Variants in CADM2 observed in about 807,000 individuals in gnomAD.
CADM2 encodes cell adhesion molecule 2.
A neutral mutation model predicts 49.8 loss-of-function variants in CADM2; 12 were observed. That is an observed-to-expected ratio of 0.24 (90% confidence interval 0.15 to 0.39). The LOEUF (loss-of-function observed/expected upper bound fraction) is 0.39. Among genes scored for constraint, CADM2 ranks in the 10% least tolerant of loss-of-function variants. CADM2 has a pLI of 1.00. For synonymous variants in CADM2, 214 were observed against 175.4 expected (o/e 1.22, Z -1.74); for missense variants, 378 against 492.3 (o/e 0.77, Z 2.20).
intron 1 of CADM2, among the ~76,000 whole-genome samples, chr3:85,327,211 A>G (rs2044777752): frequency 6.6e-6 from 1 of 152,058 alleles, no homozygotes; most frequent in Non-Finnish European, 1.5e-5. Flanking sequence ...CTCTCTCTTT[A>G]TCTATATAAA....
At chr3:85,304,326 C>G (rs1370721904) in intron 1 of CADM2, among the ~76,000 whole-genome samples, 3 of 151,834 alleles carry the variant, frequency 2.0e-5, no homozygotes, top group Non-Finnish European at 4.4e-5. Flanking sequence ...AACGGTATAT[C>G]ATAACTACAC....
At chr3:85,042,597 C>T (rs547148431) in intron 1 of CADM2, among the ~76,000 whole-genome samples, 2 of 152,146 alleles carry the variant, frequency 1.3e-5, no homozygotes, top group South Asian at 2.1e-4. Context: ...TGCAAAATTT[C>T]AAAGGAACAA....
chr3:85,930,310 A>G (rs1301535810), intron 6 of CADM2, among the ~76,000 whole-genome samples: 2 of 152,070 alleles, frequency 1.3e-5, no homozygotes, highest in Non-Finnish European at 2.9e-5. Context: ...TTCTTTTTTT[A>G]AAACTTTCTA....
intron 1 of CADM2, among the ~76,000 whole-genome samples, chr3:84,980,744 C>A (rs1054947268): frequency 6.6e-6 from 1 of 151,972 alleles, no homozygotes; most frequent in Non-Finnish European, 1.5e-5. Context: ...AGGTGTTTCA[C>A]CTTAGAAATG....
chr3:85,217,537 A>G (rs903420444), intron 1 of CADM2, among the ~76,000 whole-genome samples: 7 of 152,080 alleles, frequency 4.6e-5, no homozygotes, highest in African/African-American at 1.7e-4. Context: ...ATTCACCTAC[A>G]TTTATGTATT....
chr3:85,133,184 A>C (rs2039289538), intron 1 of CADM2, among the ~76,000 whole-genome samples: 1 of 152,202 alleles, frequency 6.6e-6, no homozygotes, highest in Admixed American at 6.5e-5. Flanking sequence ...AGTGAGCAGC[A>C]GCAAGATTTA....
At chr3:85,122,510 T>C (rs12487784) in intron 1 of CADM2, among the ~76,000 whole-genome samples, 4,577 of 152,214 alleles carry the variant, frequency 0.03, 99 homozygotes, top group South Asian at 0.044. Flanking sequence ...CTCTCTCAAA[T>C]CCATTACTCT....
chr3:85,246,609 GT>G (rs1458773222), intron 1 of CADM2, among the ~76,000 whole-genome samples: 1 of 152,020 alleles, frequency 6.6e-6, no homozygotes, highest in Non-Finnish European at 1.5e-5. Context: ...ATATAAATTT[GT>G]CTCATTCTAG....
intron 3 of CADM2, among the ~76,000 whole-genome samples, chr3:85,813,468 T>C (rs1040626667): frequency 6.6e-6 from 1 of 152,196 alleles, no homozygotes; most frequent in Non-Finnish European, 1.5e-5. Flanking sequence ...GAAGGACAGA[T>C]TGCAAAAATT....
chr3:85,288,109 T>TA (rs141203215), intron 1 of CADM2, among the ~76,000 whole-genome samples: 10,205 of 151,440 alleles, frequency 0.067, 1,126 homozygotes, highest in African/African-American at 0.23. Flanking sequence ...ATAATAAAAT[T>TA]AAAAAAAAAT....
chr3:85,767,518 G>C (rs1272990262), intron 2 of CADM2, among the ~76,000 whole-genome samples: 1 of 152,096 alleles, frequency 6.6e-6, no homozygotes, highest in Non-Finnish European at 1.5e-5. Context: ...AATACATGAA[G>C]TTTTCTTCTC....
intron 1 of CADM2, among the ~76,000 whole-genome samples, chr3:85,563,536 C>T (rs1233681950): frequency 6.6e-6 from 1 of 151,802 alleles, no homozygotes; most frequent in East Asian, 1.9e-4. Flanking sequence ...TGTGTGTAGG[C>T]CAGCATGACT....
intron 1 of CADM2, among the ~76,000 whole-genome samples, chr3:85,447,312 A>C (rs1439630690): frequency 6.6e-6 from 1 of 152,036 alleles, no homozygotes; most frequent in South Asian, 2.1e-4. Context: ...TGTCATTTAC[A>C]TTTTAGGTAT....
chr3:85,979,842 T>C (rs761102178), intron 8 of CADM2, among the ~76,000 whole-genome samples: 2 of 151,644 alleles, frequency 1.3e-5, no homozygotes, highest in Admixed American at 6.6e-5. Flanking sequence ...ATTCTACTAA[T>C]AGAATGTTCT....
At chr3:85,847,754 G>A (rs574380896) in intron 3 of CADM2, among the ~76,000 whole-genome samples, 1 of 152,016 alleles carries the variant, frequency 6.6e-6, no homozygotes, top group Admixed American at 6.6e-5. Flanking sequence ...CCCTTAAAAG[G>A]CCCATTAATG....
chr3:85,044,637 A>G (rs1642752305), intron 1 of CADM2, among the ~76,000 whole-genome samples: 1 of 152,102 alleles, frequency 6.6e-6, no homozygotes, highest in African/African-American at 2.4e-5. Flanking sequence ...CAATGTTTTT[A>G]CCTTTTAGGA....
At chr3:85,178,780 T>C (rs561181264) in intron 1 of CADM2, among the ~76,000 whole-genome samples, 24 of 151,842 alleles carry the variant, frequency 1.6e-4, no homozygotes, top group Admixed American at 1.6e-3. Flanking sequence ...AATGTAAAAA[T>C]ACGTGAGTCT....
intron 3 of CADM2, among the ~76,000 whole-genome samples, chr3:85,815,181 T>C (rs1304351116): frequency 6.6e-6 from 1 of 152,142 alleles, no homozygotes; most frequent in South Asian, 2.1e-4. Flanking sequence ...AAGGAGCTGG[T>C]ACCATTCCTT....
At chr3:85,416,791 A>G (rs1037952241) in intron 1 of CADM2, among the ~76,000 whole-genome samples, 1 of 152,202 alleles carries the variant, frequency 6.6e-6, no homozygotes, top group African/African-American at 2.4e-5. Context: ...GATATTAGGA[A>G]GAGGTATATG....
Sources: allele counts gnomAD v4.1 joint callset (sites outside exome capture counted in the v4.1 genomes callset), GRCh38; gene constraint gnomAD v4.1.1; transcripts MANE v1.5; gene names NCBI Gene and HGNC (gene_info 2026-07-23, HGNC 2026-07-21).